The following MLIP variants were observed in gnomAD, a reference collection of about 807,000 sequenced individuals.
MLIP encodes the protein muscular LMNA interacting protein.
MLIP carries 79 observed loss-of-function variants against 84.8 expected under a neutral mutation model. That is an observed-to-expected ratio of 0.93 (90% CI 0.78 to 1.12). MLIP has a LOEUF of 1.12. Among genes scored for constraint, MLIP ranks in the 50% most tolerant of loss-of-function variants. MLIP has a pLI of 0.00. For missense variants in MLIP, 1,257 were observed against 1,160.6 expected (o/e 1.08, Z -1.21); for synonymous variants, 504 against 463.0 (o/e 1.09, Z -1.14).
chr6:54,249,539 G>A (rs1192921689), intron 12 of MLIP, among the ~76,000 whole-genome samples: 1 of 151,548 alleles, frequency 6.6e-6, no homozygotes, highest in Non-Finnish European at 1.5e-5. Context: ...ATTATCCACA[G>A]ACCTCAATAA....
intron 10 of MLIP, among the ~76,000 whole-genome samples, chr6:54,194,889 T>C (rs1209600786): frequency 6.6e-6 from 1 of 151,906 alleles, no homozygotes; most frequent in Non-Finnish European, 1.5e-5. Context: ...CCCTATGCCA[T>C]AGTGTTTTGA....
At chr6:54,175,466 G>A (rs956452549) in intron 9 of MLIP, among the ~76,000 whole-genome samples, 9 of 151,522 alleles carry the variant, frequency 5.9e-5, no homozygotes, top group African/African-American at 1.9e-4. Flanking sequence ...TCACTTCTTC[G>A]GTTAAGTGAA....
chr6:54,084,601 C>T (rs1289328887), intron 1 of MLIP, among the ~76,000 whole-genome samples: 1 of 152,104 alleles, frequency 6.6e-6, no homozygotes, highest in African/African-American at 2.4e-5. Flanking sequence ...AGCTGGGAAC[C>T]TTTTTAATTT....
At chr6:54,114,387 C>A (rs772932416) in intron 1 of MLIP, among the ~76,000 whole-genome samples, 25 of 152,206 alleles carry the variant, frequency 1.6e-4, no homozygotes, top group Non-Finnish European at 1.6e-4. Flanking sequence ...AAACCAGCTT[C>A]AACTATTGTC....
intron 1 of MLIP, among the ~76,000 whole-genome samples, chr6:54,076,511 G>A (rs1222728094): frequency 6.6e-6 from 1 of 152,138 alleles, no homozygotes; most frequent in Non-Finnish European, 1.5e-5. Context: ...GTGCATGTAG[G>A]GCATTGCAAG....
At chr6:54,228,146 G>GCT (rs70980902) in intron 11 of MLIP, among the ~76,000 whole-genome samples, 92,702 of 134,734 alleles carry the variant, frequency 0.69, 34,364 homozygotes, top group Non-Finnish European at 0.81. Flanking sequence ...TTGCGCCACT[G>GCT]CTCTCCAGCC....
chr6:54,220,055 T>C (rs546719348), intron 11 of MLIP, among the ~76,000 whole-genome samples: 1 of 152,286 alleles, frequency 6.6e-6, no homozygotes, highest in African/African-American at 2.4e-5. Context: ...GGTGACACCA[T>C]ATCTATGTCT....
At chr6:54,216,065 C>A in intron 11 of MLIP, 2 of 615,052 alleles carry the variant, frequency 3.3e-6, no homozygotes, top group Non-Finnish European at 4.1e-6. Flanking sequence ...ATTCATTTAT[C>A]CATCAACAGA....
chr6:54,180,551 C>T (rs1287939355), intron 9 of MLIP, among the ~76,000 whole-genome samples: 3 of 152,132 alleles, frequency 2.0e-5, no homozygotes, highest in Non-Finnish European at 4.4e-5. Flanking sequence ...TCTGACTTTG[C>T]ACATTTTCAA....
At chr6:54,167,147 C>T (rs1253834093) in intron 8 of MLIP, among the ~76,000 whole-genome samples, 1 of 151,918 alleles carries the variant, frequency 6.6e-6, no homozygotes, top group African/African-American at 2.4e-5. Context: ...ATAGTTTATT[C>T]TTAACACATC....
At chr6:54,216,620 G>C in intron 11 of MLIP, 1 of 970,966 alleles carries the variant, frequency 1.0e-6, no homozygotes, top group Middle Eastern at 5.3e-4. Context: ...TTTTTATATA[G>C]AGGATTTCAA....
rs1195111465 is a variant in MLIP at position 54,195,249 on chromosome 6, T to G, written c.2589+5335T>G. Among the ~76,000 whole-genome samples, 4 of 152,246 alleles carry G rather than the reference T, an allele frequency of 2.6e-5. No homozygotes were observed. In the East Asian group the frequency reaches 5.8e-4, roughly 22 times the overall value. On this transcript the variant is annotated intron_variant, in intron 10 of 13. Transcript: ENST00000502396. Reference sequence around the variant, plus strand: ...AGCCAGACTCACAGAATTTGCTATATGTTGTTTTGTCACTTTCTTGCAGTT... The same window carrying G: ...AGCCAGACTCACAGAATTTGCTATAGGTTGTTTTGTCACTTTCTTGCAGTT...
chr6:54,196,779 A>C (rs1351312702), intron 10 of MLIP, among the ~76,000 whole-genome samples: 1 of 152,138 alleles, frequency 6.6e-6, no homozygotes. Context: ...TAAACCGAAG[A>C]TCTCTGGTTT....
intron 1 of MLIP, among the ~76,000 whole-genome samples, chr6:54,044,512 A>C (rs1380006426): frequency 2.0e-5 from 3 of 152,230 alleles, no homozygotes; most frequent in Non-Finnish European, 4.4e-5. Flanking sequence ...TGCAATGTTT[A>C]GGAAATATTT....
intron 1 of MLIP, among the ~76,000 whole-genome samples, chr6:54,102,032 G>C (rs1768692025): frequency 6.6e-6 from 1 of 152,070 alleles, no homozygotes; most frequent in Non-Finnish European, 1.5e-5. Flanking sequence ...TATATACTCT[G>C]TATTTCTGCC....
upstream of MLIP, among the ~76,000 whole-genome samples, chr6:54,107,071 G>T (rs1769069466): frequency 6.6e-6 from 1 of 152,148 alleles, no homozygotes; most frequent in Non-Finnish European, 1.5e-5. Context: ...ATTCCTAATG[G>T]ATAAATGTTT....
At chr6:54,182,506 G>A (rs1776983556) in intron 9 of MLIP, among the ~76,000 whole-genome samples, 1 of 152,164 alleles carries the variant, frequency 6.6e-6, no homozygotes, top group Non-Finnish European at 1.5e-5. Flanking sequence ...TGCTTCTTGA[G>A]AGGGTGGTTT....
chr6:54,119,833 T>C lies in MLIP; in HGVS notation c.97-1614T>C, dbSNP rs192566460. ...CATACAGTTTTATCTACAACAAAAGTGGTTCTCATCATCTTCCCACTCTTT... is the reference window on the plus strand; with the variant it reads ...CATACAGTTTTATCTACAACAAAAGCGGTTCTCATCATCTTCCCACTCTTT... On this transcript the variant is annotated intron_variant, in intron 1 of 13. Coordinates refer to ENST00000502396, the MANE Select transcript of MLIP (RefSeq NM_001281747.2). Among the ~76,000 whole-genome samples, 325 of 152,234 alleles carry C rather than the reference T, an allele frequency of 2.1e-3. 2 individuals are homozygous for C. Among genetic ancestry groups the C allele is most frequent in the African/African-American group, 7.5e-3 (311 of 41,536 alleles).
chr6:54,020,859 T>C (rs551983599), intron 1 of MLIP, among the ~76,000 whole-genome samples: 1 of 152,286 alleles, frequency 6.6e-6, no homozygotes, highest in East Asian at 1.9e-4. Context: ...TTCACCTGCA[T>C]TGAGAAGAGA....
Sources: gnomAD v4.1 joint callset for allele counts (sites outside exome capture counted in the v4.1 genomes callset) on GRCh38, gnomAD v4.1.1 for gene constraint, MANE v1.5 for transcripts, NCBI Gene and HGNC (gene_info 2026-07-23, HGNC 2026-07-21) for gene names.